ANKRD44: variants seen among roughly 807,000 people sequenced by gnomAD.
The protein encoded by ANKRD44 is serine/threonine-protein phosphatase 6 regulatory ankyrin repeat subunit B.
ANKRD44 carries 35 observed loss-of-function variants against 116.0 expected under a neutral mutation model. That is an observed-to-expected ratio of 0.30 (90% CI 0.23 to 0.40). ANKRD44 has a LOEUF of 0.40. Among genes scored for constraint, ANKRD44 ranks in the 10% least tolerant of loss-of-function variants. ANKRD44 has a pLI of 1.00. For synonymous variants in ANKRD44, 435 were observed against 461.8 expected (o/e 0.94, Z 0.74); for missense variants, 1,014 against 1,242.6 (o/e 0.82, Z 2.77).
chr2:197,172,805 A>G (rs1449816987), intron 2 of ANKRD44, among the ~76,000 whole-genome samples: 2 of 152,070 alleles, frequency 1.3e-5, no homozygotes, highest in East Asian at 3.9e-4. Context: ...AGCTCAAGTG[A>G]TCCGCCCACC....
intron 24 of ANKRD44, 150 bp downstream of exon 24, chr2:196,998,757 G>T (rs112457195): frequency 3.7e-6 from 4 of 1,071,382 alleles, no homozygotes; most frequent in African/African-American, 1.6e-5. Context: ...ACTGAAAGAC[G>T]CTTGAGCAGG....
chr2:197,026,051 A>C lies in ANKRD44; in HGVS notation c.1651-784T>G, dbSNP rs373214274. ...GAAGGGGGAGATAAAAAGAAACAAAAAAAAAAAAAACACCTTTCTGGGCAA... is the reference window on the plus strand; with the variant it reads ...GAAGGGGGAGATAAAAAGAAACAAACAAAAAAAAAACACCTTTCTGGGCAA... On this transcript the variant is annotated intron_variant, in intron 16 of 27. Transcript: ENST00000282272. Among the ~76,000 whole-genome samples, 123 of 150,952 alleles carry C rather than the reference A, an allele frequency of 8.1e-4. 2 individuals are homozygous for C. The highest frequency in any genetic ancestry group is 2.5e-3 in the African/African-American group (103 of 41,008).
intron 4 of ANKRD44, among the ~76,000 whole-genome samples, chr2:197,127,203 C>T (rs1466828325): frequency 6.6e-6 from 1 of 152,172 alleles, no homozygotes; most frequent in African/African-American, 2.4e-5. Context: ...CCATTTTCTA[C>T]TAGGCTTACT....
chr2:197,022,979 T>A (rs1260986449), intron 17 of ANKRD44, among the ~76,000 whole-genome samples: 10 of 152,264 alleles, frequency 6.6e-5, no homozygotes, highest in Admixed American at 2.0e-4. Flanking sequence ...CTAGACTGGA[T>A]ACTCTGCAAG....
At chr2:197,149,419 C>T (rs1004434176) in intron 2 of ANKRD44, among the ~76,000 whole-genome samples, 3 of 152,108 alleles carry the variant, frequency 2.0e-5, no homozygotes, top group Admixed American at 2.0e-4. Flanking sequence ...TTGTTCAAAC[C>T]AAAGTTTCTA....
At chr2:197,029,225 C>G (rs770026792) in intron 16 of ANKRD44, 3 of 190,776 alleles carry the variant, frequency 1.6e-5, no homozygotes, top group Admixed American at 1.3e-4. Flanking sequence ...TGGGAACATG[C>G]GGCATTTGGT....
chr2:197,103,498 G>A (rs1559064845), intron 9 of ANKRD44, among the ~76,000 whole-genome samples: 1 of 152,098 alleles, frequency 6.6e-6, no homozygotes, highest in Non-Finnish European at 1.5e-5. Context: ...CACAGAGGCA[G>A]AAACTAGATT....
intron 16 of ANKRD44, among the ~76,000 whole-genome samples, chr2:197,033,141 A>T (rs571354183): frequency 6.6e-6 from 1 of 152,312 alleles, no homozygotes; most frequent in African/African-American, 2.4e-5. Context: ...GGCCACTGAG[A>T]GTGAATGTCT....
At chr2:197,239,526 G>A (rs867014384) in intron 1 of ANKRD44, among the ~76,000 whole-genome samples, 5 of 151,936 alleles carry the variant, frequency 3.3e-5, no homozygotes, top group East Asian at 1.9e-4. Flanking sequence ...CACTGTGCCC[G>A]GCCAAAAAAA....
In ANKRD44 at chr2:197,246,350, C is replaced by CTTTTTTTTT. The variant is rs67655796; in HGVS notation, c.28-59253_28-59245dup. On this transcript the variant is annotated intron_variant, in intron 1 of 27. Transcript: ENST00000282272. Reference sequence around the variant, plus strand: ...TACAAGTATGCACCACTACATCTGGCTTTTTTTTTTTTTTTTTTTTTTTTT... The same window carrying CTTTTTTTTT: ...TACAAGTATGCACCACTACATCTGGCTTTTTTTTTTTTTTTTTTTTTTTTTTTTTTTTTT... Among the ~76,000 whole-genome samples, 76 of 65,864 alleles carry CTTTTTTTTT rather than the reference C, an allele frequency of 1.2e-3. 24 individuals are homozygous for CTTTTTTTTT. The highest frequency in any genetic ancestry group is 2.2e-3 in the African/African-American group (33 of 14,844). The allele number at this position is 65,864 out of a possible 152,430, so 43.2% of individuals were successfully genotyped here. A position where few individuals can be genotyped will look rare whatever the true frequency, so the allele number is the denominator to read the frequency against.
chr2:197,283,386 G>A (rs1229342549), intron 1 of ANKRD44, among the ~76,000 whole-genome samples: 6 of 152,016 alleles, frequency 3.9e-5, no homozygotes, highest in Non-Finnish European at 8.8e-5. Flanking sequence ...CCAGTCTCTC[G>A]GCAGAGCCCC....
chr2:197,057,703 TAA>T (rs2077229290), intron 16 of ANKRD44, among the ~76,000 whole-genome samples: 1 of 152,060 alleles, frequency 6.6e-6, no homozygotes, highest in Admixed American at 6.6e-5. Context: ...ACAAAATTTT[TAA>T]AAGTTAGCCA....
At chr2:197,078,493 GGGT>G in intron 16 of ANKRD44, 1 of 1,344,384 alleles carries the variant, frequency 7.4e-7, no homozygotes, top group Non-Finnish European at 9.8e-7. Context: ...TAAAAGCCTT[GGGT>G]GGTGGTGGGG....
intron 9 of ANKRD44, among the ~76,000 whole-genome samples, chr2:197,110,082 T>C (rs761905103): frequency 6.6e-6 from 1 of 152,138 alleles, no homozygotes; most frequent in Non-Finnish European, 1.5e-5. Flanking sequence ...GTTCAAGCGA[T>C]TCTCCTGCCT....
intron 4 of ANKRD44, among the ~76,000 whole-genome samples, chr2:197,132,071 C>G (rs191099265): frequency 6.6e-6 from 1 of 152,172 alleles, no homozygotes; most frequent in African/African-American, 2.4e-5. Flanking sequence ...TAGTAAGAGC[C>G]TCTCTTCATT....
intron 16 of ANKRD44, among the ~76,000 whole-genome samples, chr2:197,072,699 G>A (rs75803838): frequency 0.04 from 6,130 of 152,246 alleles, 159 homozygotes; most frequent in Middle Eastern, 0.082. Flanking sequence ...ATTTAAATCC[G>A]CAAATGTTTA....
Position 197,002,901 on chromosome 2 carries a change from A to G in ANKRD44, c.2348-1061T>C, listed in dbSNP as rs115479906. On this transcript the variant is annotated intron_variant, in intron 21 of 27. Coordinates refer to ENST00000282272, the MANE Select transcript of ANKRD44 (RefSeq NM_001195144.2). Reference sequence around the variant, plus strand: ...TATGATCTACCTCAGAATGATGTAGATGGGACAATTTGAAATATTAAAATA... The same window carrying G: ...TATGATCTACCTCAGAATGATGTAGGTGGGACAATTTGAAATATTAAAATA... 8.9e-3 allele frequency among the ~76,000 whole-genome samples: 1,358 copies of G among 152,318 alleles called. 19 individuals are homozygous for G. Among genetic ancestry groups the G allele is most frequent in the African/African-American group, 0.031 (1,273 of 41,570 alleles).
chr2:196,986,348 G>A (rs866983327), downstream of ANKRD44, among the ~76,000 whole-genome samples: 2 of 151,910 alleles, frequency 1.3e-5, no homozygotes, highest in South Asian at 4.2e-4. Flanking sequence ...CCAGGAGGTC[G>A]AGGCTGCAGT....
chr2:197,111,802 A>G (rs1479738775), intron 8 of ANKRD44, among the ~76,000 whole-genome samples: 1 of 152,074 alleles, frequency 6.6e-6, no homozygotes, highest in Admixed American at 6.6e-5. Flanking sequence ...ACAAAACCAT[A>G]ATTTTTTATT....
Sources: allele counts gnomAD v4.1 joint callset (sites outside exome capture counted in the v4.1 genomes callset), GRCh38; gene constraint gnomAD v4.1.1; transcripts MANE v1.5; gene names NCBI Gene and HGNC (gene_info 2026-07-23, HGNC 2026-07-21).